Variants in DNAJC1 observed in about 807,000 individuals in gnomAD.
DNAJC1 encodes dnaJ homolog subfamily C member 1.
A neutral mutation model predicts 76.6 loss-of-function variants in DNAJC1; 58 were observed. The observed-to-expected ratio is 0.76, with a 90% CI of 0.61 to 0.94. The LOEUF (loss-of-function observed/expected upper bound fraction) is 0.94, where lower values mean the gene tolerates loss of function less well. Ranked by LOEUF, DNAJC1 falls within the 40% of genes least tolerant of loss-of-function variation. The probability of loss-of-function intolerance (pLI) is 0.00; values close to 1 mark genes in which losing one functional copy is unlikely to be tolerated. For missense variants in DNAJC1, 689 were observed against 677.3 expected, an observed-to-expected ratio of 1.02 and a Z score of -0.19; for synonymous variants, 258 against 267.9, an observed-to-expected ratio of 0.96 and a Z score of 0.36.
intron 3 of DNAJC1, 75 bp from the exon 4 acceptor site, chr10:21,921,038 C>A (rs1435032356): frequency 1.5e-6 from 2 of 1,328,132 alleles, no homozygotes; most frequent in Admixed American, 5.0e-5. Flanking sequence ...GCCTATATTA[C>A]AAAAAGGAAA....
chr10:21,980,900 C>G (rs894572602), intron 1 of DNAJC1, among the ~76,000 whole-genome samples: 2 of 151,880 alleles, frequency 1.3e-5, no homozygotes, highest in African/African-American at 4.8e-5. Context: ...GGCAAGATTC[C>G]CAGAAACCCT....
chr10:21,858,570 G>C (rs1458622950), intron 8 of DNAJC1, among the ~76,000 whole-genome samples: 1 of 152,130 alleles, frequency 6.6e-6, no homozygotes, highest in Non-Finnish European at 1.5e-5. Context: ...TTTTCTTTGA[G>C]GTCTTCCAAC....
chr10:21,969,942 A>C (rs1837952998), intron 1 of DNAJC1, among the ~76,000 whole-genome samples: 1 of 152,128 alleles, frequency 6.6e-6, no homozygotes, highest in Middle Eastern at 3.2e-3. Context: ...CAGATTCATA[A>C]AGTATATTTA....
At chr10:21,897,360 T>C (rs565742665) in intron 7 of DNAJC1, among the ~76,000 whole-genome samples, 1 of 152,152 alleles carries the variant, frequency 6.6e-6, no homozygotes, top group African/African-American at 2.4e-5. Flanking sequence ...CAATTATTGA[T>C]AGAGGAAAAA....
intron 1 of DNAJC1, among the ~76,000 whole-genome samples, chr10:21,983,864 C>G (rs1350645435): frequency 6.6e-6 from 1 of 152,022 alleles, no homozygotes; most frequent in Non-Finnish European, 1.5e-5. Context: ...GATGGTTGCA[C>G]AATGTTGTGA....
chr10:21,840,083 G>A (rs904765127), intron 8 of DNAJC1, among the ~76,000 whole-genome samples: 1 of 152,122 alleles, frequency 6.6e-6, no homozygotes, highest in Non-Finnish European at 1.5e-5. Context: ...AATAAATTAG[G>A]TATTGATGGG....
intron 6 of DNAJC1, among the ~76,000 whole-genome samples, chr10:21,918,270 A>G (rs1836986065): frequency 6.6e-6 from 1 of 151,876 alleles, no homozygotes; most frequent in Non-Finnish European, 1.5e-5. Flanking sequence ...TAGAAACAGA[A>G]ACTCATTACC....
At chr10:21,779,405 G>A (rs893610777) in intron 9 of DNAJC1, among the ~76,000 whole-genome samples, 6 of 150,086 alleles carry the variant, frequency 4.0e-5, no homozygotes, top group African/African-American at 1.5e-4. Context: ...AACTTCCAGA[G>A]GAACGATCAG....
At chr10:21,958,802 G>C (rs1837737038) in intron 1 of DNAJC1, among the ~76,000 whole-genome samples, 1 of 151,664 alleles carries the variant, frequency 6.6e-6, no homozygotes, top group African/African-American at 2.4e-5. Context: ...GTCAGATTTG[G>C]CAGAAAAAAA....
intron 9 of DNAJC1, among the ~76,000 whole-genome samples, chr10:21,772,164 T>C (rs1346160494): frequency 1.3e-5 from 2 of 152,092 alleles, no homozygotes; most frequent in Non-Finnish European, 2.9e-5. Context: ...ATTTTTTTCA[T>C]CCATATTTAT....
intron 1 of DNAJC1, among the ~76,000 whole-genome samples, chr10:21,966,070 G>A (rs143475681): frequency 1.1e-3 from 167 of 152,228 alleles, no homozygotes; most frequent in Non-Finnish European, 2.0e-3. Context: ...GAGTACCAGT[G>A]AGTTAGTTGT....
chr10:21,843,799 G>A (rs1835611351), intron 8 of DNAJC1, among the ~76,000 whole-genome samples: 1 of 151,362 alleles, frequency 6.6e-6, no homozygotes, highest in Admixed American at 6.6e-5. Context: ...AAGTGCAGTG[G>A]TGTGATCTCA....
At chr10:21,842,692 T>C (rs916478022) in intron 8 of DNAJC1, among the ~76,000 whole-genome samples, 1 of 152,098 alleles carries the variant, frequency 6.6e-6, no homozygotes, top group African/African-American at 2.4e-5. Context: ...CAGGAGTAAA[T>C]ATGGAGGATG....
chr10:21,819,856 G>A (rs933774573), intron 8 of DNAJC1, among the ~76,000 whole-genome samples: 1 of 152,188 alleles, frequency 6.6e-6, no homozygotes, highest in African/African-American at 2.4e-5. Context: ...CTTGAGCCCA[G>A]GAGGCAGAGG....
chr10:21,769,481 G>T (rs1196039316), intron 9 of DNAJC1, among the ~76,000 whole-genome samples: 1 of 152,144 alleles, frequency 6.6e-6, no homozygotes, highest in African/African-American at 2.4e-5. Flanking sequence ...GCTAAAACAA[G>T]CAGGGATCTA....
intron 1 of DNAJC1, among the ~76,000 whole-genome samples, chr10:21,999,293 C>T (rs1838474731): frequency 6.6e-6 from 1 of 152,156 alleles, no homozygotes; most frequent in South Asian, 2.1e-4. Context: ...CAAAGCTCAT[C>T]TTATTTGAAT....
intron 6 of DNAJC1, among the ~76,000 whole-genome samples, chr10:21,905,790 G>A (rs182693626): frequency 1.8e-4 from 28 of 152,230 alleles, no homozygotes; most frequent in African/African-American, 6.3e-4. Flanking sequence ...AAGAAATGAA[G>A]GGGCCTGATG....
At chr10:21,940,588 A>G (rs1837390633) in intron 1 of DNAJC1, among the ~76,000 whole-genome samples, 1 of 152,206 alleles carries the variant, frequency 6.6e-6, no homozygotes, top group Admixed American at 6.5e-5. Context: ...TTTTAGGAAT[A>G]CATTATGTCC....
chr10:21,895,914 T>C (rs774933397), intron 7 of DNAJC1, among the ~76,000 whole-genome samples: 11 of 152,158 alleles, frequency 7.2e-5, no homozygotes, highest in Non-Finnish European at 1.3e-4. Context: ...TGTTCCTCAG[T>C]CACCTCAGGT....
Sources: gnomAD v4.1 joint callset for allele counts (sites outside exome capture counted in the v4.1 genomes callset) on GRCh38, gnomAD v4.1.1 for gene constraint, MANE v1.5 for transcripts, NCBI Gene and HGNC (gene_info 2026-07-23, HGNC 2026-07-21) for gene names.